TNFSF4: variants seen among roughly 807,000 people sequenced by gnomAD.
TNFSF4 encodes TNF superfamily member 4, also known as tumor necrosis factor ligand superfamily member 4.
Under a neutral mutation model 7.3 loss-of-function variants are expected in TNFSF4, and 4 were observed. The ratio of observed to expected loss-of-function variants is 0.55; its 90% CI spans 0.27 to 1.25. The LOEUF (loss-of-function observed/expected upper bound fraction) is 1.25, where lower values mean the gene tolerates loss of function less well. TNFSF4 is among the 50% of genes most tolerant of loss of function. The pLI is 0.12. For synonymous variants in TNFSF4, 76 were observed against 83.7 expected (o/e 0.91, Z 0.50); for missense variants, 181 against 208.8 (o/e 0.87, Z 0.82).
the TNFSF4 span, among the ~76,000 whole-genome samples, chr1:173,252,361 A>G: frequency 6.6e-6 from 1 of 152,156 alleles, no homozygotes; most frequent in Admixed American, 6.6e-5. Context: ...GCTTCATATA[A>G]TCTTCATACA....
the TNFSF4 span, among the ~76,000 whole-genome samples, chr1:173,358,125 G>A: frequency 1.3e-5 from 2 of 152,224 alleles, no homozygotes; most frequent in Non-Finnish European, 2.9e-5. Context: ...GAGAGTCAGA[G>A]TCAGAGAAGG....
the TNFSF4 span, among the ~76,000 whole-genome samples, chr1:173,416,844 G>A: frequency 1.3e-5 from 2 of 151,852 alleles, no homozygotes; most frequent in African/African-American, 2.4e-5. Flanking sequence ...CGATCCACCC[G>A]CCTCGGCCTC....
At chr1:173,261,806 A>G in the TNFSF4 span, among the ~76,000 whole-genome samples, 1 of 152,132 alleles carries the variant, frequency 6.6e-6, no homozygotes, top group Non-Finnish European at 1.5e-5. Context: ...GAATAGACCA[A>G]TAACAAGTTC....
intron 1 of TNFSF4, chr1:173,205,368 CT>C: frequency 6.2e-7 from 1 of 1,611,694 alleles, no homozygotes; most frequent in Non-Finnish European, 8.5e-7. Flanking sequence ...AGCTTTCCTT[CT>C]GTCCCAGAGT....
At chr1:173,337,218 C>A in the TNFSF4 span, among the ~76,000 whole-genome samples, 3 of 152,142 alleles carry the variant, frequency 2.0e-5, no homozygotes, top group South Asian at 4.2e-4. Context: ...CAGATAACTT[C>A]TCTTATTGAG....
the TNFSF4 span, among the ~76,000 whole-genome samples, chr1:173,293,667 C>T: frequency 2.0e-5 from 3 of 152,068 alleles, no homozygotes; most frequent in Non-Finnish European, 2.9e-5. Context: ...AAACTATCAA[C>T]AGAGTCAACA....
At chr1:173,375,023 C>T in the TNFSF4 span, among the ~76,000 whole-genome samples, 1 of 152,192 alleles carries the variant, frequency 6.6e-6, no homozygotes, top group Non-Finnish European at 1.5e-5. Context: ...CTCTCCAAAA[C>T]CGCTGAGGCC....
the TNFSF4 span, among the ~76,000 whole-genome samples, chr1:173,377,549 G>A: frequency 2.8e-4 from 42 of 152,150 alleles, no homozygotes; most frequent in Non-Finnish European, 5.0e-4. Flanking sequence ...CCTGACCCTT[G>A]CGTCCTGGGT....
At chr1:173,324,201 C>T in the TNFSF4 span, among the ~76,000 whole-genome samples, 1 of 152,108 alleles carries the variant, frequency 6.6e-6, no homozygotes, top group Non-Finnish European at 1.5e-5. Context: ...GGCGGGGGGG[C>T]CAATATTCAA....
chr1:173,397,341 TC>T, the TNFSF4 span, among the ~76,000 whole-genome samples: 1 of 152,012 alleles, frequency 6.6e-6, no homozygotes, highest in African/African-American at 2.4e-5. Context: ...TTAATACACC[TC>T]CCCGCCTTAT....
the TNFSF4 span, among the ~76,000 whole-genome samples, chr1:173,320,693 CAG>C: frequency 6.6e-6 from 1 of 152,120 alleles, no homozygotes; most frequent in East Asian, 1.9e-4. Flanking sequence ...AATAGACAAA[CAG>C]AGAGCCAGAT....
At chr1:173,390,142 C>T in the TNFSF4 span, among the ~76,000 whole-genome samples, 1 of 152,072 alleles carries the variant, frequency 6.6e-6, no homozygotes, top group African/African-American at 2.4e-5. Context: ...ATATGAACCT[C>T]AAAACCATGT....
the TNFSF4 span, among the ~76,000 whole-genome samples, chr1:173,394,315 C>T: frequency 6.6e-6 from 1 of 151,206 alleles, no homozygotes; most frequent in Non-Finnish European, 1.5e-5. Context: ...GACTGCAGGA[C>T]TTTAATATTG....
chr1:173,347,126 A>C, the TNFSF4 span, among the ~76,000 whole-genome samples: 1 of 152,150 alleles, frequency 6.6e-6, no homozygotes, highest in East Asian at 1.9e-4. Flanking sequence ...GCCACTACTG[A>C]AGTTAGGTTC....
the TNFSF4 span, among the ~76,000 whole-genome samples, chr1:173,297,319 A>G: frequency 6.6e-6 from 1 of 151,386 alleles, no homozygotes; most frequent in East Asian, 1.9e-4. Flanking sequence ...GCAACACACG[A>G]AAAAAAAAGA....
At chr1:173,391,461 A>C in the TNFSF4 span, among the ~76,000 whole-genome samples, 1 of 133,814 alleles carries the variant, frequency 7.5e-6, no homozygotes, top group Non-Finnish European at 1.6e-5. Context: ...AAAAAAAAAA[A>C]AAAAAGTTTT....
chr1:173,301,510 A>C, the TNFSF4 span, among the ~76,000 whole-genome samples: 85,695 of 151,662 alleles, frequency 0.57, 24,595 homozygotes, highest in Middle Eastern at 0.66. Context: ...AGCAGCTATT[A>C]GTATTAACTA....
At chr1:173,391,435 C>CAAAAA in the TNFSF4 span, among the ~76,000 whole-genome samples, 3 of 108,816 alleles carry the variant, frequency 2.8e-5, no homozygotes, top group African/African-American at 1.0e-4. Flanking sequence ...CCTTAGAAAG[C>CAAAAA]AAAAAAAAAA....
chr1:173,395,827 T>C, the TNFSF4 span, among the ~76,000 whole-genome samples: 1 of 152,220 alleles, frequency 6.6e-6, no homozygotes, highest in South Asian at 2.1e-4. Flanking sequence ...GTAGTTTTTT[T>C]TGCCAGTAGA....
Sources: allele counts gnomAD v4.1 joint callset (sites outside exome capture counted in the v4.1 genomes callset), GRCh38; gene constraint gnomAD v4.1.1; transcripts MANE v1.5; gene names NCBI Gene and HGNC (gene_info 2026-07-23, HGNC 2026-07-21).